ITPR3: variants seen among roughly 807,000 people sequenced by gnomAD.
The protein encoded by ITPR3 is inositol 1,4,5-trisphosphate receptor type 3, also known as inositol 1,4,5-trisphosphate-gated calcium channel ITPR3.
ITPR3 carries 173 observed loss-of-function variants against 293.2 expected under a neutral mutation model. The ratio of observed to expected loss-of-function variants is 0.59; its 90% CI spans 0.52 to 0.67. The LOEUF is 0.67. Ranked by LOEUF, ITPR3 falls within the 30% of genes least tolerant of loss-of-function variation. The probability of loss-of-function intolerance (pLI) is 0.00; values close to 1 mark genes in which losing one functional copy is unlikely to be tolerated. For synonymous variants in ITPR3, 1,295 were observed against 1,444.4 expected (o/e 0.90, Z 2.35); for missense variants, 2,796 against 3,592.1 (o/e 0.78, Z 5.66).
Position 33,621,759 on chromosome 6 carries a change from G to C in ITPR3, c.89+68G>C. ...CGCCGTGGGCCCTGGTGCCAGCTGCGTGCGTCCAGCCGCCGCCCCCCGATA... is the reference window on the plus strand; with the variant it reads ...CGCCGTGGGCCCTGGTGCCAGCTGCCTGCGTCCAGCCGCCGCCCCCCGATA... On this transcript the variant is annotated intron_variant, in intron 1 of 57. Transcript: ENST00000605930. This position sits in a 1 kb window ranked among gnomAD's most constrained non-coding sequence, Gnocchi z 7.7. 3.2e-6 allele frequency: 4 copies of C among 1,240,596 alleles called. No individual in the cohort carries two copies. Among genetic ancestry groups the C allele is most frequent in the Non-Finnish European group, 4.6e-6 (4 of 868,130 alleles). The allele number at this position is 1,240,596 out of a possible 1,614,324, so 76.8% of individuals were successfully genotyped here. A position where few individuals can be genotyped will look rare whatever the true frequency, so the allele number is the denominator to read the frequency against.
At chr6:33,689,772 C>T (rs751136921) in intron 50 of ITPR3, among the ~76,000 whole-genome samples, 2 of 152,184 alleles carry the variant, frequency 1.3e-5, no homozygotes, top group African/African-American at 4.8e-5. Context: ...GTGCTTTGAG[C>T]GAGGAATACC....
intron 55 of ITPR3, 80 bp from the exon 56 acceptor site, chr6:33,693,465 A>C (rs1485493006): frequency 2.7e-6 from 4 of 1,493,120 alleles, no homozygotes; most frequent in Non-Finnish European, 3.7e-6. Flanking sequence ...CAACCCCCGG[A>C]AGCTGGGTCC....
chr6:33,689,441 A>G, intron 50 of ITPR3, 31 bp downstream of exon 50: 1 of 1,601,252 alleles, frequency 6.2e-7, no homozygotes, highest in Non-Finnish European at 8.5e-7. Flanking sequence ...CCATTCCCAA[A>G]CAAGCTCATG....
At chr6:33,677,227 A>C (rs1764931883) in intron 27 of ITPR3, 138 bp downstream of exon 27, 1 of 846,688 alleles carries the variant, frequency 1.2e-6, no homozygotes, top group African/African-American at 1.7e-5. Context: ...TTTGCTGCAC[A>C]TTAAAAACAG....
At chr6:33,688,895 C>A in intron 49 of ITPR3, 114 bp downstream of exon 49, 2 of 1,374,624 alleles carry the variant, frequency 1.5e-6, no homozygotes, top group South Asian at 1.2e-5. Context: ...GCAGAGTGTG[C>A]AGAAGCACCC....
rs1432518928 is a variant in ITPR3, at chr6:33,633,325, GC to G, written c.90-7158del. ...GTGGGTGGAGGGACCTTGTGGGGAG[GC>G]GTTGGCGAGAGGGGGGTGAAGCGAA... is the stretch of plus-strand genomic sequence containing the variant. On this transcript the variant is annotated intron_variant, in intron 1 of 57. Coordinates refer to ENST00000605930, the MANE Select transcript of ITPR3 (RefSeq NM_002224.4). The surrounding 1 kb of genome is among the most constrained non-coding windows in gnomAD (Gnocchi z 5.2). Among the ~76,000 whole-genome samples, 2 of 152,216 alleles carry G rather than the reference GC, an allele frequency of 1.3e-5. No individual in the cohort carries two copies. Among genetic ancestry groups the G allele is most frequent in the Non-Finnish European group, 2.9e-5 (2 of 68,030 alleles).
Position 33,688,304 on chromosome 6 carries a change from G to T in ITPR3, c.6441G>T (p.Leu2147=), listed in dbSNP as rs1765293116. ...CAGTGCCCGGCATCTGCCAGTTCCT[G>T]ACGGAGGAAACCAAGCACCGGCTCT... ...VFPVPGICQF[L]TEETKHRLFT... Residue 2147 remains leucine, a synonymous_variant, in exon 48 of 58, where the codon CTG becomes CTT. Transcript: ENST00000605930. The T allele has an allele frequency of 6.2e-7, 1 of 1,614,220 alleles. No homozygotes were observed. Among genetic ancestry groups the T allele is most frequent in the Non-Finnish European group, 8.5e-7 (1 of 1,180,028 alleles).
At position 33,684,900 on chromosome 6, in the gene ITPR3, G is replaced by A. The variant is rs754131977; in HGVS notation, c.5264G>A (p.Gly1755Asp). 1.9e-6 allele frequency: 3 copies of A among 1,613,732 alleles called. No individual in the cohort carries two copies. The African/African-American group carries it at 4.0e-5, about 22-fold the overall frequency. ...KNEKIFQESI[G>D]LAIHLLDGGN... ...GAGAAGATCTTCCAGGAGAGCATCG[G>A]CCTGGCCATCCACCTGCTGGATGGT... The change falls in exon 39 of 58, where the codon GGC (glycine) becomes GAC (aspartate). Residue 1755 changes from glycine to aspartate, a missense_variant. Gly to Asp is a moderately conservative substitution (Grantham distance 94, BLOSUM62 -1). Transcript: ENST00000605930. The surrounding 1 kb of genome is among the most constrained non-coding windows in gnomAD (Gnocchi z 4.2).
At chr6:33,694,774 C>A in intron 56 of ITPR3, 150 bp from the exon 57 acceptor site, 1 of 960,308 alleles carries the variant, frequency 1.0e-6, no homozygotes, top group South Asian at 1.5e-5. Flanking sequence ...CGGGGAGGAC[C>A]AGGTCAATTC....
intron 2 of ITPR3, among the ~76,000 whole-genome samples, chr6:33,650,049 C>A (rs549320923): frequency 6.6e-6 from 1 of 152,342 alleles, no homozygotes; most frequent in African/African-American, 2.4e-5. Context: ...CCGGGACACA[C>A]AATCCTTACT....
intron 9 of ITPR3, 69 bp downstream of exon 9, chr6:33,663,075 G>A (rs1582131938): frequency 1.4e-5 from 18 of 1,328,994 alleles, no homozygotes; most frequent in East Asian, 2.5e-5. Flanking sequence ...GGGAACATGT[G>A]TGCACATACT....
chr6:33,632,249 T>G lies in ITPR3; in HGVS notation c.90-8235T>G. ...AGCTGAATGGGGGTGGGGGGAGGGT[T>G]GTTCAGGGTCCCTCGGGGATTTCCC... On this transcript the variant is annotated intron_variant, in intron 1 of 57. Coordinates refer to ENST00000605930, the MANE Select transcript of ITPR3 (RefSeq NM_002224.4). This position sits in a 1 kb window ranked among gnomAD's most constrained non-coding sequence, Gnocchi z 4.1. 7.0e-6 allele frequency among the ~76,000 whole-genome samples: 1 copy of G among 142,838 alleles called. No individual in the cohort carries two copies. The highest frequency in any genetic ancestry group is 2.5e-5 in the African/African-American group (1 of 39,838). 93.7% of individuals were successfully genotyped at this position (142,838 alleles called of 152,430 possible).
At position 33,663,563 on chromosome 6, in the gene ITPR3, G is replaced by T; in HGVS notation, c.1005+13G>T. Reference sequence around the variant, plus strand: ...GGCAGCAGGAATGGTGAGGAGCAAAGCAGGTCTCCAGTGAGACCATGGGCC... The same window carrying T: ...GGCAGCAGGAATGGTGAGGAGCAAATCAGGTCTCCAGTGAGACCATGGGCC... On this transcript the variant is annotated intron_variant, in intron 10 of 57. Coordinates refer to ENST00000605930, the MANE Select transcript of ITPR3 (RefSeq NM_002224.4). The T allele has an allele frequency of 6.2e-7, 1 of 1,604,088 alleles. No individual in the cohort carries two copies. Among genetic ancestry groups the T allele is most frequent in the Non-Finnish European group, 8.5e-7 (1 of 1,174,924 alleles).
At chr6:33,668,001 C>T in intron 16 of ITPR3, 37 bp downstream of exon 16, 1 of 1,607,188 alleles carries the variant, frequency 6.2e-7, no homozygotes, top group Non-Finnish European at 8.5e-7. Context: ...GCGCCTGCTC[C>T]TCCCTCCTCC....
chr6:33,684,350 G>A lies in ITPR3; in HGVS notation c.4938-7G>A, dbSNP rs1472727944. 1.6e-5 allele frequency: 25 copies of A among 1,612,890 alleles called. No individual in the cohort carries two copies. The highest frequency in any genetic ancestry group is 2.7e-5 in the African/African-American group (2 of 74,880). On this transcript the variant is annotated splice_region_variant and splice_polypyrimidine_tract_variant and intron_variant, in intron 36 of 57. Coordinates refer to ENST00000605930, the MANE Select transcript of ITPR3 (RefSeq NM_002224.4). The surrounding 1 kb of genome is among the most constrained non-coding windows in gnomAD (Gnocchi z 4.2). ...GCTGCCCTGAGCTGCCTCCTTGGCCGGCTCAGGCTGATCCAGCACACCAAG... is the reference window on the plus strand; with the variant it reads ...GCTGCCCTGAGCTGCCTCCTTGGCCAGCTCAGGCTGATCCAGCACACCAAG...
At position 33,633,963 on chromosome 6, in the gene ITPR3, C is replaced by T. The variant is rs1763755350; in HGVS notation, c.90-6521C>T. 6.6e-6 allele frequency among the ~76,000 whole-genome samples: 1 copy of T among 152,072 alleles called. No homozygotes were observed. ...GAGGTCGCGGCCTCGCCCGGTGAGG[C>T]TCCCTCTCCATGCAAACTTGCCTAA... On this transcript the variant is annotated intron_variant, in intron 1 of 57. Coordinates refer to ENST00000605930, the MANE Select transcript of ITPR3 (RefSeq NM_002224.4). The surrounding 1 kb of genome is among the most constrained non-coding windows in gnomAD (Gnocchi z 5.2).
intron 1 of ITPR3, among the ~76,000 whole-genome samples, chr6:33,637,439 G>A (rs1226983182): frequency 6.6e-6 from 1 of 152,180 alleles, no homozygotes; most frequent in Non-Finnish European, 1.5e-5. Flanking sequence ...GTGTTCACCA[G>A]CCCAGCTCTC....
Position 33,692,756 on chromosome 6 carries a change from A to T in ITPR3, c.7487A>T (p.Tyr2496Phe), listed in dbSNP as rs1414706824. The T allele has an allele frequency of 6.2e-7, 1 of 1,613,994 alleles. No homozygotes were observed. The highest frequency in any genetic ancestry group is 8.5e-7 in the Non-Finnish European group (1 of 1,180,022). The change falls in exon 55 of 58, where the codon TAT becomes TTT. Residue 2496 changes from tyrosine (Y) to phenylalanine (F), a missense_variant. Physicochemically the swap from Tyr to Phe is conservative, Grantham distance 22. Around this residue, in one of 8 missense-constraint regions of ITPR3, gnomAD observed 568 missense variants for 796.1 expected, o/e 0.71. Coordinates refer to ENST00000605930, the MANE Select transcript of ITPR3 (RefSeq NM_002224.4). The surrounding 1 kb of genome is among the most constrained non-coding windows in gnomAD (Gnocchi z 4.2). ...DESLFPARVVYDLLFFFIVII... is the reference protein window; with the variant it reads ...DESLFPARVVFDLLFFFIVII... ...TCTCTCTTCCCAGCCCGAGTGGTCT[A>T]TGACCTCCTGTTCTTCTTCATCGTC... is the stretch of plus-strand genomic sequence containing the variant.
rs772150955 is a variant in ITPR3 at position 33,677,018 on chromosome 6, CCCA to C, written c.3453_3455del (p.Thr1152del). The C allele has an allele frequency of 1.2e-6, 2 of 1,614,126 alleles. No homozygotes were observed. Among genetic ancestry groups the C allele is most frequent in the Non-Finnish European group, 1.7e-6 (2 of 1,179,976 alleles). On this transcript the variant is annotated inframe_deletion, in exon 27 of 58. Coordinates refer to ENST00000605930, the MANE Select transcript of ITPR3 (RefSeq NM_002224.4). Reference sequence around the variant, plus strand: ...TCCTTCCTCTCTCTGCTTTCAGCGTCCCACGGACGAGGAGGGCTTTCTGCACCC... The same window carrying C: ...TCCTTCCTCTCTCTGCTTTCAGCGTCCGGACGAGGAGGGCTTTCTGCACCC...
Sources: allele counts gnomAD v4.1 joint callset (sites outside exome capture counted in the v4.1 genomes callset), GRCh38; gene constraint gnomAD v4.1.1; regional missense constraint gnomAD v4.1.1; non-coding constraint Gnocchi (gnomAD v3.1); transcripts MANE v1.5; gene names NCBI Gene and HGNC (gene_info 2026-07-23, HGNC 2026-07-21).